Variants in PBX3 observed in about 807,000 individuals in gnomAD.
The protein encoded by PBX3 is pre-B-cell leukemia transcription factor 3.
PBX3 carries 14 observed loss-of-function variants against 48.5 expected under a neutral mutation model. The observed-to-expected ratio is 0.29, with a 90% CI of 0.19 to 0.45. PBX3 has a LOEUF of 0.45. PBX3 is among the 20% of genes least tolerant of loss of function. PBX3 has a pLI of 1.00. For missense variants in PBX3, 386 were observed against 546.7 expected (o/e 0.71, Z 2.93); for synonymous variants, 210 against 200.3 (o/e 1.05, Z -0.41).
At chr9:125,764,998 T>C (rs1026111124) in intron 2 of PBX3, among the ~76,000 whole-genome samples, 1 of 152,168 alleles carries the variant, frequency 6.6e-6, no homozygotes, top group Admixed American at 6.5e-5. Context: ...TCAATAAAAT[T>C]AAAATAAAAG....
intron 2 of PBX3, among the ~76,000 whole-genome samples, chr9:125,770,262 A>T (rs1179983833): frequency 6.6e-6 from 1 of 152,210 alleles, no homozygotes; most frequent in Non-Finnish European, 1.5e-5. Context: ...ATATTCTCTG[A>T]TAGTGACATG....
intron 5 of PBX3, among the ~76,000 whole-genome samples, chr9:125,951,841 T>C (rs1842201775): frequency 6.6e-6 from 1 of 152,228 alleles, no homozygotes; most frequent in South Asian, 2.1e-4. Context: ...CTTAGAGGAA[T>C]GCACACAGTG....
intron 2 of PBX3, among the ~76,000 whole-genome samples, chr9:125,899,265 AT>A (rs1840858127): frequency 7.7e-6 from 1 of 129,342 alleles, no homozygotes; most frequent in South Asian, 2.3e-4. Context: ...ATATTTATAT[AT>A]AAATATACAT....
At chr9:125,898,991 C>T (rs186826891) in intron 2 of PBX3, among the ~76,000 whole-genome samples, 1 of 151,300 alleles carries the variant, frequency 6.6e-6, no homozygotes, top group African/African-American at 2.4e-5. Flanking sequence ...AAACAACTCT[C>T]AGAAACCCAT....
At chr9:125,777,692 TCATCAGAAAAGC>T (rs1837114440) in intron 2 of PBX3, among the ~76,000 whole-genome samples, 1 of 152,108 alleles carries the variant, frequency 6.6e-6, no homozygotes, top group African/African-American at 2.4e-5. Context: ...TTAGTAGAAT[TCATCAGAAAAGC>T]CATTTGGTCC....
intron 8 of PBX3, among the ~76,000 whole-genome samples, chr9:125,963,351 C>T (rs1255649877): frequency 6.6e-6 from 1 of 152,140 alleles, no homozygotes; most frequent in Non-Finnish European, 1.5e-5. Flanking sequence ...CCCATTAAGA[C>T]GCCATTTCCT....
intron 2 of PBX3, among the ~76,000 whole-genome samples, chr9:125,762,233 G>A (rs1264499485): frequency 2.0e-5 from 3 of 152,006 alleles, no homozygotes; most frequent in Non-Finnish European, 2.9e-5. Flanking sequence ...GTACAATCAT[G>A]ACTGTATTCC....
intron 2 of PBX3, among the ~76,000 whole-genome samples, chr9:125,894,484 G>GT (rs974615451): frequency 1.4e-4 from 22 of 151,794 alleles, no homozygotes; most frequent in African/African-American, 3.1e-4. Context: ...ACATGTGCCT[G>GT]TTTTTTTTGC....
chr9:125,958,839 GAGA>G (rs983658476), intron 5 of PBX3, among the ~76,000 whole-genome samples: 1 of 152,200 alleles, frequency 6.6e-6, no homozygotes, highest in Non-Finnish European at 1.5e-5. Context: ...AGGTGCAAGA[GAGA>G]AGAAGGCCAA....
intron 2 of PBX3, among the ~76,000 whole-genome samples, chr9:125,909,115 C>T (rs933183843): frequency 1.6e-4 from 24 of 152,140 alleles, no homozygotes; most frequent in African/African-American, 5.1e-4. Context: ...TGTAACTCTT[C>T]TTTCCGCATT....
chr9:125,949,681 AAAG>A (rs1436689197), intron 5 of PBX3, among the ~76,000 whole-genome samples: 2 of 152,234 alleles, frequency 1.3e-5, no homozygotes, highest in Admixed American at 6.5e-5. Flanking sequence ...TTTGAAAAGA[AAAG>A]AAGACTGCAG....
At chr9:125,836,428 G>A (rs576161660) in intron 2 of PBX3, among the ~76,000 whole-genome samples, 1 of 152,240 alleles carries the variant, frequency 6.6e-6, no homozygotes, top group South Asian at 2.1e-4. Flanking sequence ...CTGGGCGACA[G>A]AGCGAGACTC....
chr9:125,939,682 G>A (rs1056013039), intron 5 of PBX3, among the ~76,000 whole-genome samples: 1 of 152,050 alleles, frequency 6.6e-6, no homozygotes, highest in East Asian at 1.9e-4. Flanking sequence ...ATTTGTCCAC[G>A]GACTGGAGAA....
In PBX3 at chr9:125,764,618, A is replaced by G. The variant is rs893018596; in HGVS notation, c.274+15995A>G. On this transcript the variant is annotated intron_variant, in intron 2 of 8. Coordinates refer to ENST00000373489, the MANE Select transcript of PBX3 (RefSeq NM_006195.6). Reference sequence around the variant, plus strand: ...TATAAGAAAAATATTGTTTTGCAAAAAGTTTCAATTTTTAGTTAGCAATAC... The same window carrying G: ...TATAAGAAAAATATTGTTTTGCAAAGAGTTTCAATTTTTAGTTAGCAATAC... Among the ~76,000 whole-genome samples, 6 of 152,156 alleles carry G rather than the reference A, an allele frequency of 3.9e-5. No homozygotes were observed. In the East Asian group the frequency reaches 7.7e-4, roughly 20 times the overall value.
chr9:125,901,845 A>T (rs546992883), intron 2 of PBX3, among the ~76,000 whole-genome samples: 1 of 151,780 alleles, frequency 6.6e-6, no homozygotes, highest in African/African-American at 2.4e-5. Context: ...ATCCTTCTAC[A>T]TTCTTTTCTT....
At chr9:125,933,319 A>G (rs1841761951) in intron 4 of PBX3, among the ~76,000 whole-genome samples, 1 of 152,156 alleles carries the variant, frequency 6.6e-6, no homozygotes, top group Admixed American at 6.5e-5. Flanking sequence ...TTAAGAATAA[A>G]TTTGTGTAGG....
chr9:125,810,315 T>C (rs918124035), intron 2 of PBX3, among the ~76,000 whole-genome samples: 1 of 152,090 alleles, frequency 6.6e-6, no homozygotes, highest in Non-Finnish European at 1.5e-5. Flanking sequence ...ATAATTTTCT[T>C]CAAAAGAATG....
intron 2 of PBX3, among the ~76,000 whole-genome samples, chr9:125,760,019 T>TCAGAGCA (rs1836622451): frequency 6.6e-6 from 1 of 152,188 alleles, no homozygotes; most frequent in Non-Finnish European, 1.5e-5. Flanking sequence ...AAGAACTCGG[T>TCAGAGCA]AGTTGCTGCG....
intron 5 of PBX3, among the ~76,000 whole-genome samples, chr9:125,941,038 A>G (rs180932371): frequency 2.0e-5 from 3 of 152,350 alleles, no homozygotes; most frequent in East Asian, 1.9e-4. Context: ...GGGAGTATAC[A>G]TATAAGTAAA....
Sources: gnomAD v4.1 joint callset for allele counts (sites outside exome capture counted in the v4.1 genomes callset) on GRCh38, gnomAD v4.1.1 for gene constraint, MANE v1.5 for transcripts, NCBI Gene and HGNC (gene_info 2026-07-23, HGNC 2026-07-21) for gene names.